Variants in MAD1L1 observed in about 807,000 individuals in gnomAD.
The protein encoded by MAD1L1 is mitotic arrest deficient 1 like 1, also known as mitotic spindle assembly checkpoint protein MAD1.
A neutral mutation model predicts 96.9 loss-of-function variants in MAD1L1; 95 were observed. That is an observed-to-expected ratio of 0.98 (90% confidence interval 0.83 to 1.16). The LOEUF (loss-of-function observed/expected upper bound fraction) is 1.16. Ranked by LOEUF, MAD1L1 falls within the 50% of genes most tolerant of loss-of-function variation. The probability of loss-of-function intolerance (pLI) is 0.00; values close to 1 mark genes in which losing one functional copy is unlikely to be tolerated. For synonymous variants in MAD1L1, 473 were observed against 396.6 expected (o/e 1.19, Z -2.29); for missense variants, 1,007 against 954.4 (o/e 1.06, Z -0.73).
intron 5 of MAD1L1, among the ~76,000 whole-genome samples, chr7:2,221,812 A>G (rs916397973): frequency 6.6e-6 from 1 of 152,160 alleles, no homozygotes; most frequent in Non-Finnish European, 1.5e-5. Flanking sequence ...AAAGACCACC[A>G]TCCACGACAG....
chr7:2,108,670 C>A (rs544266058), intron 11 of MAD1L1, among the ~76,000 whole-genome samples: 16 of 152,306 alleles, frequency 1.1e-4, no homozygotes, highest in African/African-American at 2.9e-4. Context: ...TCACAGGGAG[C>A]CAGGGGTTGG....
intron 15 of MAD1L1, among the ~76,000 whole-genome samples, chr7:1,959,600 G>GCC (rs1265219550): frequency 6.6e-6 from 1 of 152,162 alleles, no homozygotes; most frequent in Non-Finnish European, 1.5e-5. Context: ...GAGGCACAAG[G>GCC]CGGGGTTCTC....
chr7:1,881,653 T>C (rs574672023), intron 18 of MAD1L1, among the ~76,000 whole-genome samples: 37 of 152,326 alleles, frequency 2.4e-4, no homozygotes, highest in South Asian at 1.7e-3. Flanking sequence ...AAATATTTAA[T>C]TGAGCGTAAA....
intron 12 of MAD1L1, among the ~76,000 whole-genome samples, chr7:2,037,939 G>A (rs891116641): frequency 2.6e-5 from 4 of 152,180 alleles, no homozygotes; most frequent in Non-Finnish European, 5.9e-5. Context: ...TGAGGAAGGC[G>A]TGCCAAAAGC....
chr7:1,935,581 G>A lies in MAD1L1; in HGVS notation c.1807+1106C>T, dbSNP rs183949628. On this transcript the variant is annotated intron_variant, in intron 17 of 18. Coordinates refer to ENST00000265854, the MANE Select transcript of MAD1L1 (RefSeq NM_001013836.2). ...CCTAAGACCCTCCCCACAAAGGAGC[G>A]GGGCAGAGGACAATCACTCCTGATA... 1.1e-4 allele frequency among the ~76,000 whole-genome samples: 16 copies of A among 152,316 alleles called. No homozygotes were observed. The East Asian group carries it at 2.7e-3, about 26-fold the overall frequency.
chr7:2,128,873 G>A (rs1788368452), intron 11 of MAD1L1, among the ~76,000 whole-genome samples: 1 of 152,192 alleles, frequency 6.6e-6, no homozygotes, highest in African/African-American at 2.4e-5. Context: ...CAGTCTCTCT[G>A]CTCCCACACC....
intron 4 of MAD1L1, among the ~76,000 whole-genome samples, chr7:2,223,844 G>C (rs1584593742): frequency 6.6e-6 from 1 of 151,928 alleles, no homozygotes; most frequent in African/African-American, 2.4e-5. Flanking sequence ...CTTAAGTCTC[G>C]CCCCTAATAG....
chr7:1,854,445 G>C, intron 18 of MAD1L1: 1 of 447,120 alleles, frequency 2.2e-6, no homozygotes, highest in South Asian at 1.6e-5. Context: ...AGGCCTGGAG[G>C]CCACAAGGGC....
chr7:1,932,912 G>A (rs1391185411), intron 17 of MAD1L1, among the ~76,000 whole-genome samples: 4 of 152,058 alleles, frequency 2.6e-5, no homozygotes, highest in Admixed American at 2.6e-4. Context: ...CTTTCTCAAC[G>A]TTACTTTACA....
intron 9 of MAD1L1, among the ~76,000 whole-genome samples, 166 bp downstream of exon 9, chr7:2,215,719 G>A (rs953131723): frequency 6.6e-5 from 10 of 152,188 alleles, no homozygotes; most frequent in Non-Finnish European, 1.5e-4. Flanking sequence ...CACAGGCTCT[G>A]AGGATGAGGC....
chr7:2,202,531 A>G (rs995319595), intron 10 of MAD1L1, among the ~76,000 whole-genome samples: 2 of 152,240 alleles, frequency 1.3e-5, no homozygotes, highest in Non-Finnish European at 2.9e-5. Flanking sequence ...GAAAAGGGGA[A>G]ACGTGGCCCA....
At chr7:2,054,664 A>C (rs947959403) in intron 12 of MAD1L1, among the ~76,000 whole-genome samples, 1 of 152,080 alleles carries the variant, frequency 6.6e-6, no homozygotes, top group Non-Finnish European at 1.5e-5. Flanking sequence ...AGCCGAGAGA[A>C]CCCTGCTTAT....
At chr7:2,040,734 C>T (rs1363858707) in intron 12 of MAD1L1, among the ~76,000 whole-genome samples, 5 of 152,196 alleles carry the variant, frequency 3.3e-5, no homozygotes, top group African/African-American at 9.7e-5. Context: ...CAGGCTGTTC[C>T]GAGGCCCAAG....
intron 17 of MAD1L1, among the ~76,000 whole-genome samples, chr7:1,899,429 C>T (rs761084278): frequency 2.0e-5 from 3 of 152,120 alleles, no homozygotes; most frequent in South Asian, 2.1e-4. Flanking sequence ...CTGCAGGCCA[C>T]GGGAGCTGGG....
At chr7:2,102,016 C>T (rs1268621304) in intron 11 of MAD1L1, among the ~76,000 whole-genome samples, 4 of 152,096 alleles carry the variant, frequency 2.6e-5, no homozygotes, top group African/African-American at 9.7e-5. Context: ...TGACCTTGGA[C>T]CCTCCTGTCT....
chr7:2,006,660 C>A (rs998744152), intron 13 of MAD1L1, among the ~76,000 whole-genome samples: 1 of 150,994 alleles, frequency 6.6e-6, no homozygotes, highest in Non-Finnish European at 1.5e-5. Flanking sequence ...TAAACCCACA[C>A]AGCCCAACAC....
chr7:2,020,681 G>A (rs561915912), intron 12 of MAD1L1, among the ~76,000 whole-genome samples: 2 of 152,180 alleles, frequency 1.3e-5, no homozygotes, highest in Non-Finnish European at 2.9e-5. Flanking sequence ...AACATCGGAC[G>A]GACTTCAGGC....
chr7:2,115,312 G>GCA (rs1756392877), intron 11 of MAD1L1, among the ~76,000 whole-genome samples: 1 of 148,106 alleles, frequency 6.8e-6, no homozygotes. Context: ...GTCAGAGGAG[G>GCA]CTGGACAGGG....
chr7:2,083,773 C>T (rs1342437099), intron 11 of MAD1L1, among the ~76,000 whole-genome samples: 1 of 152,250 alleles, frequency 6.6e-6, no homozygotes, highest in Non-Finnish European at 1.5e-5. Flanking sequence ...GGGAAAAGCA[C>T]GTGGGAAGAA....
Sources: gnomAD v4.1 joint callset for allele counts (sites outside exome capture counted in the v4.1 genomes callset) on GRCh38, gnomAD v4.1.1 for gene constraint, MANE v1.5 for transcripts, NCBI Gene and HGNC (gene_info 2026-07-23, HGNC 2026-07-21) for gene names.